TSC2: variants seen among roughly 807,000 people sequenced by gnomAD.
TSC2 encodes the protein tuberin.
A neutral mutation model predicts 202.2 loss-of-function variants in TSC2; 29 were observed. That is an observed-to-expected ratio of 0.14 (90% CI 0.11 to 0.20). The LOEUF (loss-of-function observed/expected upper bound fraction) is 0.20. TSC2 is among the 10% of genes least tolerant of loss of function. The probability of loss-of-function intolerance (pLI) is 1.00; values close to 1 mark genes in which losing one functional copy is unlikely to be tolerated. For missense variants in TSC2, 2,429 were observed against 2,420.0 expected (o/e 1.00, Z -0.08); for synonymous variants, 1,349 against 1,044.0 (o/e 1.29, Z -5.63).
intron 34 of TSC2, 117 bp downstream of exon 34, chr16:2,084,832 C>T (rs2090563790): frequency 1.3e-6 from 2 of 1,598,892 alleles, no homozygotes; most frequent in African/African-American, 1.3e-5. Context: ...CTAGGGCTGG[C>T]TGGAACCCCT....
At position 2,064,300 on chromosome 16, in the gene TSC2, C is replaced by T. The variant is rs45517176; in HGVS notation, c.1472C>T (p.Ser491Leu). The T allele has an allele frequency of 4.3e-6, 7 of 1,613,896 alleles. No homozygotes were observed. Among genetic ancestry groups the T allele is most frequent in the Non-Finnish European group, 5.1e-6 (6 of 1,180,040 alleles). Residue 491 changes from serine to leucine, a missense_variant, in exon 15 of 42, where the codon TCG (serine) becomes TTG (leucine). Transcript: ENST00000219476. ...EEELINSVVI[S>L]QLSHIPEDKD... Reference sequence around the variant, plus strand: ...GAGCTGATTAACTCAGTGGTCATCTCGCAGCTCTCCCACATCCCCGAGGAT... The same window carrying T: ...GAGCTGATTAACTCAGTGGTCATCTTGCAGCTCTCCCACATCCCCGAGGAT...
intron 3 of TSC2, among the ~76,000 whole-genome samples, chr16:2,050,823 G>A (rs1015578187): frequency 6.6e-6 from 1 of 151,714 alleles, no homozygotes. Context: ...TCCTGACCTC[G>A]TGAACCATAT....
Position 2,089,057 on chromosome 16 carries a change from A to T in TSC2, c.*447A>T, listed in dbSNP as rs1465457113. On this transcript the variant is annotated 3_prime_UTR_variant, in exon 42 of 42. Coordinates refer to ENST00000219476, the MANE Select transcript of TSC2 (RefSeq NM_000548.5). Reference sequence around the variant, plus strand: ...GCTACCTGGCCTGGGGCAAGGGAGGATGACAAGGCCTCTGGGGTGATGAGA... The same window carrying T: ...GCTACCTGGCCTGGGGCAAGGGAGGTTGACAAGGCCTCTGGGGTGATGAGA... The T allele has an allele frequency of 1.6e-5, 3 of 191,112 alleles. No individual in the cohort carries two copies. Among genetic ancestry groups the T allele is most frequent in the Non-Finnish European group, 3.3e-5 (3 of 91,224 alleles). The allele number at this position is 191,112 out of a possible 1,614,324, so 11.8% of individuals were successfully genotyped here.
In TSC2 at chr16:2,050,390, C is replaced by T. The variant is rs996641937; in HGVS notation, c.139-10C>T. 6.2e-7 allele frequency: 1 copy of T among 1,613,714 alleles called. No individual in the cohort carries two copies. Among genetic ancestry groups the T allele is most frequent in the Non-Finnish European group, 8.5e-7 (1 of 1,179,798 alleles). ...CACTGGCCCCTTTTTCTTCTTTCAT[C>T]TCTCTCCAGGAACTGAGCATGGAAT... On this transcript the variant is annotated splice_polypyrimidine_tract_variant and intron_variant, in intron 2 of 41. Coordinates refer to ENST00000219476, the MANE Select transcript of TSC2 (RefSeq NM_000548.5).
chr16:2,048,778 C>T (rs2084695494), intron 2 of TSC2, 25 bp downstream of exon 2: 1 of 1,613,850 alleles, frequency 6.2e-7, no homozygotes, highest in Non-Finnish European at 8.5e-7. Flanking sequence ...TGTGTCTTTG[C>T]TAGGCTAGAG....
chr16:2,062,748 A>G, intron 13 of TSC2, 148 bp downstream of exon 13: 1 of 990,920 alleles, frequency 1.0e-6, no homozygotes, highest in South Asian at 1.4e-5. Flanking sequence ...AGCAGGTGCT[A>G]GCTTGCTTTC....
rs781087045 is a variant in TSC2 at position 2,070,523 on chromosome 16, A to C, written c.1784A>C (p.Gln595Pro). The C allele has an allele frequency of 3.1e-6, 5 of 1,613,342 alleles. No homozygotes were observed. The highest frequency in any genetic ancestry group is 2.2e-5 in the East Asian group (1 of 44,878). ...RVYEMLVSHI[Q>P]LHYKHSYTLP... ...TATGAGATGCTGGTCAGCCACATTC[A>C]GCTCCACTACAAGCACAGCTACACC... Residue 595 changes from glutamine to proline, a missense_variant, in exon 17 of 42, where the codon CAG becomes CCG. By Grantham distance (76) the Gln-to-Pro change is moderately conservative. Transcript: ENST00000219476.
At chr16:2,048,854 T>A (rs535815935) in intron 2 of TSC2, 101 bp downstream of exon 2, 11 of 1,526,410 alleles carry the variant, frequency 7.2e-6, no homozygotes, top group Non-Finnish European at 8.2e-6. Flanking sequence ...TGCTGGCAAC[T>A]GTCTACACAG....
chr16:2,081,410 G>T, intron 30 of TSC2, 185 bp from the exon 31 acceptor site: 1 of 755,616 alleles, frequency 1.3e-6, no homozygotes, highest in Non-Finnish European at 2.2e-6. Context: ...CCTCGAGGCA[G>T]GGGCTGAGCG....
chr16:2,063,760 T>TGTCCGTAGGTGAGG, intron 14 of TSC2: 1 of 233,038 alleles, frequency 4.3e-6, no homozygotes, highest in Non-Finnish European at 8.6e-6. Context: ...TCCTCTGGCT[T>TGTCCGTAGGTGAGG]CTCCCATCAG....
intron 3 of TSC2, among the ~76,000 whole-genome samples, chr16:2,051,571 G>C (rs1244484152): frequency 6.6e-6 from 1 of 152,198 alleles, no homozygotes; most frequent in African/African-American, 2.4e-5. Flanking sequence ...GACAGGACAG[G>C]AAGTGGTCAT....
At chr16:2,055,281 G>A (rs2085631584) in intron 5 of TSC2, 121 bp from the exon 6 acceptor site, 2 of 823,160 alleles carry the variant, frequency 2.4e-6, no homozygotes, top group Non-Finnish European at 4.2e-6. Context: ...TGCTGCCGGG[G>A]GACTGATGAT....
intron 30 of TSC2, chr16:2,080,900 C>T (rs753039096): frequency 5.9e-5 from 10 of 169,278 alleles, no homozygotes; most frequent in Non-Finnish European, 1.0e-4. Context: ...AGTTGCCCTC[C>T]CCGCCTGGAG....
chr16:2,082,615 C>A, intron 32 of TSC2, 111 bp downstream of exon 32: 1 of 1,267,250 alleles, frequency 7.9e-7, no homozygotes, highest in Non-Finnish European at 1.1e-6. Flanking sequence ...CTCCATTGCC[C>A]TGGGGAGCAG....
Position 2,084,976 on chromosome 16 carries a change from T to A in TSC2, c.4519T>A (p.Ser1507Thr). ...PSFVFLQLYH[S>T]PFFGDESNKP... is the part of the protein sequence containing the mutation. ...TTTCGTGTTCCTGCAGCTCTACCAT[T>A]CCCCCTTCTTTGGCGACGAGTCAAA... The change falls in exon 35 of 42, where the codon TCC becomes ACC. Residue 1507 changes from serine (S) to threonine (T), a missense_variant. Transcript: ENST00000219476. The A allele has an allele frequency of 6.2e-7, 1 of 1,612,950 alleles. No individual in the cohort carries two copies. The highest frequency in any genetic ancestry group is 1.7e-5 in the Admixed American group (1 of 60,008).
At chr16:2,071,312 G>C in intron 17 of TSC2, 198 bp from the exon 18 acceptor site, 2 of 642,868 alleles carry the variant, frequency 3.1e-6, no homozygotes, top group Non-Finnish European at 5.6e-6. Context: ...GCAAGGGAGG[G>C]AGGAGGCTGT....
Position 2,048,641 on chromosome 16 carries a change from C to A in TSC2, c.26C>A (p.Ser9Ter). ...ATGGCCAAACCAACAAGCAAAGATT[C>A]AGGCTTGAAGGAGAAGTTTAAGATT... MAKPTSKDSGLKEKFKILL... is the reference protein window; with the variant it reads MAKPTSKD The change falls in exon 2 of 42, where the codon TCA (serine) becomes TAA (stop). Residue 9 changes from serine (S) to a stop codon, truncating the protein, a stop_gained. Transcript: ENST00000219476. LOFTEE classifies it high-confidence loss of function. 1 of 1,613,932 alleles carries A rather than the reference C, an allele frequency of 6.2e-7. No homozygotes were observed. Among genetic ancestry groups the A allele is most frequent in the Non-Finnish European group, 8.5e-7 (1 of 1,180,026 alleles).
intron 1 of TSC2, 179 bp from the exon 2 acceptor site, chr16:2,048,408 C>A: frequency 1.1e-6 from 1 of 890,608 alleles, no homozygotes; most frequent in Non-Finnish European, 1.8e-6. Context: ...GTCTCCCGGG[C>A]TTTCCTAGGT....
chr16:2,060,339 G>T (rs1274311594), intron 10 of TSC2, among the ~76,000 whole-genome samples: 1 of 152,176 alleles, frequency 6.6e-6, no homozygotes, highest in African/African-American at 2.4e-5. Context: ...GGGGGATGTT[G>T]TCTTTGTGCA....
Sources: allele counts gnomAD v4.1 joint callset (sites outside exome capture counted in the v4.1 genomes callset), GRCh38; gene constraint gnomAD v4.1.1; transcripts MANE v1.5; gene names NCBI Gene and HGNC (gene_info 2026-07-23, HGNC 2026-07-21).